Variants in ZNF804A observed in about 807,000 individuals in gnomAD.
ZNF804A encodes zinc finger protein 804A.
Under a neutral mutation model 16.5 loss-of-function variants are expected in ZNF804A, and 2 were observed. The observed-to-expected ratio is 0.12, with a 90% CI of 0.05 to 0.38. The LOEUF (loss-of-function observed/expected upper bound fraction) is 0.38. Ranked by LOEUF, ZNF804A falls within the 10% of genes least tolerant of loss-of-function variation. ZNF804A has a pLI of 0.99. For synonymous variants in ZNF804A, 534 were observed against 489.6 expected, an observed-to-expected ratio of 1.09 and a Z score of -1.20; for missense variants, 1,473 against 1,390.7, an observed-to-expected ratio of 1.06 and a Z score of -0.94.
chr2:184,738,027 G>A (rs1693657101), intron 1 of ZNF804A, among the ~76,000 whole-genome samples: 1 of 147,022 alleles, frequency 6.8e-6, no homozygotes, highest in Admixed American at 6.7e-5. Context: ...TTGGGAGGTT[G>A]AGGCAAGAGA....
At chr2:184,827,941 TC>T (rs1695191775) in intron 1 of ZNF804A, among the ~76,000 whole-genome samples, 1 of 151,808 alleles carries the variant, frequency 6.6e-6, no homozygotes, top group Non-Finnish European at 1.5e-5. Context: ...ATAAAATAAT[TC>T]GATGTTCAGA....
intron 2 of ZNF804A, among the ~76,000 whole-genome samples, chr2:184,874,261 G>A (rs1415398609): frequency 1.3e-5 from 2 of 152,060 alleles, no homozygotes; most frequent in African/African-American, 4.8e-5. Flanking sequence ...AGGATGATGG[G>A]ATACCATAGG....
At chr2:184,888,299 T>C (rs947619181) in intron 2 of ZNF804A, among the ~76,000 whole-genome samples, 1 of 152,174 alleles carries the variant, frequency 6.6e-6, no homozygotes, top group Admixed American at 6.5e-5. Context: ...TATCCATGAA[T>C]TTTTCCTAAC....
intron 1 of ZNF804A, among the ~76,000 whole-genome samples, chr2:184,638,890 G>A (rs569552352): frequency 5.3e-4 from 80 of 151,964 alleles, no homozygotes; most frequent in Non-Finnish European, 8.5e-4. Flanking sequence ...CTCCATTCCC[G>A]TAAGGTTGAT....
intron 1 of ZNF804A, among the ~76,000 whole-genome samples, chr2:184,794,202 T>G (rs1327146180): frequency 1.3e-5 from 2 of 152,172 alleles, no homozygotes; most frequent in Non-Finnish European, 2.9e-5. Context: ...TGTAGAAGTA[T>G]TCCCTTTTCA....
chr2:184,704,735 T>C (rs1223881451), intron 1 of ZNF804A, among the ~76,000 whole-genome samples: 1 of 152,188 alleles, frequency 6.6e-6, no homozygotes, highest in African/African-American at 2.4e-5. Flanking sequence ...GGTAAGCTTA[T>C]ATGCTTTTAT....
At chr2:184,902,043 C>G (rs968422134) in intron 2 of ZNF804A, 6 of 152,048 alleles carry the variant, frequency 3.9e-5, no homozygotes, top group African/African-American at 1.4e-4. Context: ...CAAGTTTTGT[C>G]ATCAGGTGTT....
chr2:184,918,344 A>G (rs148970898), intron 2 of ZNF804A, among the ~76,000 whole-genome samples: 10 of 152,292 alleles, frequency 6.6e-5, no homozygotes, highest in African/African-American at 2.4e-4. Context: ...TTTGGAACTA[A>G]GACTTCTAGA....
chr2:184,844,477 C>T (rs1035341171), intron 1 of ZNF804A, among the ~76,000 whole-genome samples: 19 of 151,978 alleles, frequency 1.3e-4, no homozygotes, highest in African/African-American at 4.3e-4. Flanking sequence ...GAAATAATTT[C>T]ACTGGTTATA....
At chr2:184,661,103 A>G (rs1425222616) in intron 1 of ZNF804A, among the ~76,000 whole-genome samples, 1 of 152,218 alleles carries the variant, frequency 6.6e-6, no homozygotes, top group African/African-American at 2.4e-5. Context: ...GCTATTCTTT[A>G]TATATGAAAT....
chr2:184,887,374 C>T (rs1196879430), intron 2 of ZNF804A, among the ~76,000 whole-genome samples: 1 of 152,206 alleles, frequency 6.6e-6, no homozygotes. Flanking sequence ...CCACATTTTC[C>T]TGTCTTCTTC....
At chr2:184,901,863 T>C (rs1044421880) in intron 2 of ZNF804A, among the ~76,000 whole-genome samples, 2 of 152,020 alleles carry the variant, frequency 1.3e-5, no homozygotes, top group African/African-American at 4.8e-5. Context: ...TTGAAGTGAC[T>C]TATCCATATG....
Position 184,598,992 on chromosome 2 carries a change from G to T in ZNF804A, c.33G>T (p.Thr11=), listed in dbSNP as rs760118305. 6 of 1,613,776 alleles carry T rather than the reference G, an allele frequency of 3.7e-6. No individual in the cohort carries two copies. The highest frequency in any genetic ancestry group is 1.1e-5 in the South Asian group (1 of 91,086). MECYYIVISS[T]HLSNGHFRNI... ...GTTACTACATTGTCATCAGCTCCAC[G>T]CATCTCAGCAACGGACACTTTCGCA... is the stretch of plus-strand genomic sequence containing the variant. The change falls in exon 1 of 4, where the codon ACG becomes ACT. Residue 11 remains threonine, a synonymous_variant. Transcript: ENST00000302277.
chr2:184,874,578 T>C (rs976449180), intron 2 of ZNF804A, among the ~76,000 whole-genome samples: 1 of 151,972 alleles, frequency 6.6e-6, no homozygotes, highest in South Asian at 2.1e-4. Context: ...CACCATTTCC[T>C]AAAAAAAATT....
chr2:184,678,189 A>G (rs1692471892), intron 1 of ZNF804A, among the ~76,000 whole-genome samples: 1 of 152,054 alleles, frequency 6.6e-6, no homozygotes, highest in Admixed American at 6.5e-5. Context: ...TTTCTTTAAA[A>G]CAGTGTAAGT....
intron 2 of ZNF804A, chr2:184,902,372 C>G (rs1685201168): frequency 6.5e-6 from 1 of 154,430 alleles, no homozygotes; most frequent in South Asian, 2.1e-4. Flanking sequence ...ACTGGTTTCT[C>G]CTGGTGCTCT....
intron 1 of ZNF804A, among the ~76,000 whole-genome samples, chr2:184,841,916 G>A (rs1056918677): frequency 3.3e-5 from 5 of 152,040 alleles, no homozygotes; most frequent in Non-Finnish European, 7.4e-5. Flanking sequence ...AAGACCCCAG[G>A]CAAATAATCC....
intron 1 of ZNF804A, among the ~76,000 whole-genome samples, chr2:184,663,651 G>T (rs1018890736): frequency 6.6e-6 from 1 of 152,118 alleles, no homozygotes; most frequent in African/African-American, 2.4e-5. Flanking sequence ...TTTAGTCCAT[G>T]GCCCAGATTG....
At chr2:184,825,644 T>C (rs1352530212) in intron 1 of ZNF804A, among the ~76,000 whole-genome samples, 1 of 152,066 alleles carries the variant, frequency 6.6e-6, no homozygotes, top group African/African-American at 2.4e-5. Flanking sequence ...CCAGGTAACT[T>C]GGGCAAACAG....
Sources: allele counts gnomAD v4.1 joint callset (sites outside exome capture counted in the v4.1 genomes callset), GRCh38; gene constraint gnomAD v4.1.1; transcripts MANE v1.5; gene names NCBI Gene and HGNC (gene_info 2026-07-23, HGNC 2026-07-21).